APCDD1: variants seen among roughly 807,000 people sequenced by gnomAD.
The protein encoded by APCDD1 is protein APCDD1.
Under a neutral mutation model 38.1 loss-of-function variants are expected in APCDD1, and 15 were observed. The ratio of observed to expected loss-of-function variants is 0.39; its 90% CI spans 0.26 to 0.61. The LOEUF is 0.61. APCDD1 is among the 20% of genes least tolerant of loss of function. The pLI is 0.49. For synonymous variants in APCDD1, 261 were observed against 279.7 expected (o/e 0.93, Z 0.67); for missense variants, 647 against 696.2 (o/e 0.93, Z 0.79).
chr18:10,479,681 A>C (rs1036231294), intron 3 of APCDD1, among the ~76,000 whole-genome samples: 1 of 152,152 alleles, frequency 6.6e-6, no homozygotes, highest in African/African-American at 2.4e-5. Context: ...AAGTCATCTG[A>C]CTTTTTCTCT....
At chr18:10,466,776 G>A (rs1196705459) in intron 1 of APCDD1, among the ~76,000 whole-genome samples, 1 of 152,228 alleles carries the variant, frequency 6.6e-6, no homozygotes. Flanking sequence ...GAGTTTTCAT[G>A]TTTAGAGTTT....
intron 1 of APCDD1, among the ~76,000 whole-genome samples, chr18:10,466,691 C>T (rs1156527317): frequency 6.6e-6 from 1 of 152,124 alleles, no homozygotes; most frequent in Non-Finnish European, 1.5e-5. Flanking sequence ...TGCCTTGCCT[C>T]AATGGAACTT....
chr18:10,484,980 TTTTTGTTTTG>T (rs781499849), intron 3 of APCDD1, among the ~76,000 whole-genome samples: 88 of 152,288 alleles, frequency 5.8e-4, no homozygotes, highest in Middle Eastern at 6.8e-3. Context: ...GTTTTGTTGT[TTTTTGTTTTG>T]TTTTGTTTTG....
intron 3 of APCDD1, among the ~76,000 whole-genome samples, chr18:10,484,047 C>G (rs148289852): frequency 1.3e-5 from 2 of 152,334 alleles, no homozygotes; most frequent in East Asian, 3.9e-4. Flanking sequence ...ACCAGAGAGG[C>G]CTTTCTGTGC....
chr18:10,464,357 C>A (rs911877543), intron 1 of APCDD1, among the ~76,000 whole-genome samples: 1 of 148,496 alleles, frequency 6.7e-6, no homozygotes. Flanking sequence ...CACACACACA[C>A]AAAAACATCT....
At chr18:10,466,531 A>T (rs1244888787) in intron 1 of APCDD1, among the ~76,000 whole-genome samples, 1 of 152,160 alleles carries the variant, frequency 6.6e-6, no homozygotes, top group Non-Finnish European at 1.5e-5. Flanking sequence ...ATCAAAATGC[A>T]TGTGCTTTGT....
At chr18:10,461,689 C>A (rs955863926) in intron 1 of APCDD1, among the ~76,000 whole-genome samples, 2 of 152,194 alleles carry the variant, frequency 1.3e-5, no homozygotes, top group Admixed American at 6.5e-5. Flanking sequence ...AGATGACTTA[C>A]CCAAAACCAC....
chr18:10,468,039 C>G (rs1168605075), intron 1 of APCDD1, among the ~76,000 whole-genome samples: 1 of 152,188 alleles, frequency 6.6e-6, no homozygotes, highest in Admixed American at 6.5e-5. Context: ...TTGATGACAC[C>G]TCTTTCACCT....
At chr18:10,484,588 C>G (rs11080423) in intron 3 of APCDD1, among the ~76,000 whole-genome samples, 40 of 152,140 alleles carry the variant, frequency 2.6e-4, no homozygotes, top group South Asian at 8.3e-4. Flanking sequence ...CTTGTCCCCC[C>G]CTTCCAGCTC....
At chr18:10,462,897 A>G (rs942417886) in intron 1 of APCDD1, among the ~76,000 whole-genome samples, 14 of 148,868 alleles carry the variant, frequency 9.4e-5, no homozygotes, top group South Asian at 8.5e-4. Context: ...CCTGCTTTCA[A>G]TCTGTCCCCC....
chr18:10,482,481 G>A (rs74698375), intron 3 of APCDD1, among the ~76,000 whole-genome samples: 4 of 152,242 alleles, frequency 2.6e-5, no homozygotes, highest in South Asian at 2.1e-4. Flanking sequence ...CTGACTCCGC[G>A]CTTCTTGTTA....
chr18:10,460,712 C>T (rs910886217), intron 1 of APCDD1, among the ~76,000 whole-genome samples: 3 of 152,188 alleles, frequency 2.0e-5, no homozygotes, highest in African/African-American at 7.2e-5. Context: ...TGAATATTGA[C>T]TTGCAAAAGT....
rs770092872 is a variant in APCDD1 at position 10,475,186 on chromosome 18, C to T, written c.774+3125C>T. 5.3e-4 allele frequency among the ~76,000 whole-genome samples: 80 copies of T among 152,222 alleles called. No homozygotes were observed. Among genetic ancestry groups the T allele is most frequent in the Admixed American group, 1.0e-3 (16 of 15,294 alleles). Reference sequence around the variant, plus strand: ...ATGGCTCAGAGAGGAATGAAAATGACAATGTCGACTGACCAGGGAACATCA... The same window carrying T: ...ATGGCTCAGAGAGGAATGAAAATGATAATGTCGACTGACCAGGGAACATCA... On this transcript the variant is annotated intron_variant, in intron 3 of 4. Coordinates refer to ENST00000355285, the MANE Select transcript of APCDD1 (RefSeq NM_153000.5). The surrounding 1 kb of genome is among the most constrained non-coding windows in gnomAD (Gnocchi z 4.0).
At chr18:10,479,445 G>A (rs2031084147) in intron 3 of APCDD1, among the ~76,000 whole-genome samples, 1 of 152,210 alleles carries the variant, frequency 6.6e-6, no homozygotes, top group Non-Finnish European at 1.5e-5. Flanking sequence ...AACAGATACT[G>A]TCAGCAGATG....
intron 1 of APCDD1, among the ~76,000 whole-genome samples, chr18:10,455,274 A>T (rs991837330): frequency 5.3e-5 from 8 of 152,140 alleles, no homozygotes; most frequent in African/African-American, 1.9e-4. Flanking sequence ...TTGCTGCGGG[A>T]CTGTTCTTTT....
At chr18:10,462,323 G>A (rs189352635) in intron 1 of APCDD1, among the ~76,000 whole-genome samples, 1 of 152,302 alleles carries the variant, frequency 6.6e-6, no homozygotes, top group African/African-American at 2.4e-5. Context: ...ATTAAAGGAG[G>A]CTGTATATAT....
chr18:10,487,992 C>A lies in APCDD1; in HGVS notation c.1499C>A (p.Ala500Glu). ...CACACCTGGTCCCTGCTGCTGGCTG[C>A]ACTTGCCTGCCTTGTCCCTCTGCTG... ...GRHTWSLLLA[A>E]LACLVPLLHW... The change falls in exon 5 of 5, where the codon GCA becomes GAA. Residue 500 changes from alanine to glutamate, a missense_variant. Physicochemically the swap from Ala to Glu is moderately radical, Grantham distance 107. Transcript: ENST00000355285. 6.2e-7 allele frequency: 1 copy of A among 1,613,922 alleles called. No individual in the cohort carries two copies. Among genetic ancestry groups the A allele is most frequent in the East Asian group, 2.2e-5 (1 of 44,890 alleles).
At chr18:10,455,226 G>A (rs998032917) in intron 1 of APCDD1, among the ~76,000 whole-genome samples, 187 bp downstream of exon 1, 11 of 152,170 alleles carry the variant, frequency 7.2e-5, no homozygotes, top group African/African-American at 1.7e-4. Flanking sequence ...CACTTTCCGA[G>A]GCTTGGGACC....
intron 1 of APCDD1, among the ~76,000 whole-genome samples, chr18:10,460,474 A>G (rs1418381371): frequency 1.3e-5 from 2 of 151,382 alleles, no homozygotes; most frequent in Admixed American, 6.6e-5. Flanking sequence ...CGGAGGTTGC[A>G]GTGAGCCGAG....
Sources: gnomAD v4.1 joint callset for allele counts (sites outside exome capture counted in the v4.1 genomes callset) on GRCh38, gnomAD v4.1.1 for gene constraint, Gnocchi (gnomAD v3.1) non-coding constraint, MANE v1.5 for transcripts, NCBI Gene and HGNC (gene_info 2026-07-23, HGNC 2026-07-21) for gene names.